NISCH: variants seen among roughly 807,000 people sequenced by gnomAD.
NISCH encodes nischarin.
Under a neutral mutation model 138.4 loss-of-function variants are expected in NISCH, and 55 were observed. The observed-to-expected ratio is 0.40, with a 90% CI of 0.32 to 0.50. The LOEUF (loss-of-function observed/expected upper bound fraction) is 0.50. Among genes scored for constraint, NISCH ranks in the 20% least tolerant of loss-of-function variants. The pLI, the probability that NISCH is intolerant of heterozygous loss-of-function variation, is 0.71. For missense variants in NISCH, 1,643 were observed against 2,005.5 expected, an observed-to-expected ratio of 0.82 and a Z score of 3.45; for synonymous variants, 860 against 861.5, an observed-to-expected ratio of 1.00 and a Z score of 0.03.
intron 19 of NISCH, 109 bp downstream of exon 19, chr3:52,490,942 C>T (rs1707545422): frequency 4.8e-6 from 7 of 1,462,314 alleles, no homozygotes; most frequent in Non-Finnish European, 6.5e-6. Context: ...TCTCTGTGCT[C>T]AAGAGCCACT....
Position 52,473,838 on chromosome 3 carries a change from C to T in NISCH, c.765+9C>T, listed in dbSNP as rs1707018495. The T allele has an allele frequency of 6.3e-7, 1 of 1,589,614 alleles. No individual in the cohort carries two copies. Among genetic ancestry groups the T allele is most frequent in the Admixed American group, 1.7e-5 (1 of 59,350 alleles). ...CAGCAACCTCGATGAAGGTAAGCTT[C>T]ACCTATATCCTGCCTGGGGCAATGT... On this transcript the variant is annotated intron_variant, in intron 7 of 20. Coordinates refer to ENST00000345716, the MANE Select transcript of NISCH (RefSeq NM_007184.4).
At chr3:52,476,811 A>T (rs1289195832) in intron 8 of NISCH, among the ~76,000 whole-genome samples, 2 of 152,114 alleles carry the variant, frequency 1.3e-5, no homozygotes, top group African/African-American at 4.8e-5. Flanking sequence ...AGGCGGGAGG[A>T]TCACTTGAGG....
intron 3 of NISCH, among the ~76,000 whole-genome samples, chr3:52,466,780 G>A (rs1706792215): frequency 6.6e-6 from 1 of 152,078 alleles, no homozygotes; most frequent in African/African-American, 2.4e-5. Context: ...ATACTTGGTT[G>A]CAGGGCATGT....
intron 13 of NISCH, chr3:52,481,282 G>A: frequency 2.9e-6 from 3 of 1,042,132 alleles, no homozygotes; most frequent in Non-Finnish European, 3.5e-6. Flanking sequence ...AGGAAGACTG[G>A]GCAGGAAGAG....
At chr3:52,464,158 A>G (rs1706714753) in intron 3 of NISCH, among the ~76,000 whole-genome samples, 1 of 151,570 alleles carries the variant, frequency 6.6e-6, no homozygotes, top group Non-Finnish European at 1.5e-5. Context: ...AGCACTTTGG[A>G]AGGCTGAGGT....
At chr3:52,475,219 G>A (rs1292336680) in intron 7 of NISCH, among the ~76,000 whole-genome samples, 1 of 151,746 alleles carries the variant, frequency 6.6e-6, no homozygotes, top group East Asian at 1.9e-4. Context: ...AATTGGATTT[G>A]GTGAAAAATT....
At position 52,461,868 on chromosome 3, in the gene NISCH, A is replaced by C. The variant is rs565571191; in HGVS notation, c.360+3024A>C. ...ACAGAGCAAGACTCCGTCACAAAAA[A>C]AAAAAAAAAAGAAATATTGTATTTT... On this transcript the variant is annotated intron_variant, in intron 3 of 20. Transcript: ENST00000345716. Among the ~76,000 whole-genome samples the C allele has an allele frequency of 5.6e-4, 86 of 152,228 alleles. 1 individual carries two copies. The highest frequency in any genetic ancestry group is 2.0e-3 in the African/African-American group (82 of 41,556).
At chr3:52,471,743 G>A (rs112352526) in intron 4 of NISCH, 71 bp from the exon 5 acceptor site, 1 of 1,124,270 alleles carries the variant, frequency 8.9e-7, no homozygotes, top group Non-Finnish European at 1.2e-6. Flanking sequence ...GACAGAAAAG[G>A]TGGAAATCCT....
chr3:52,467,681 C>T (rs1706826724), intron 3 of NISCH, among the ~76,000 whole-genome samples: 1 of 152,236 alleles, frequency 6.6e-6, no homozygotes, highest in African/African-American at 2.4e-5. Context: ...GAAGTGAAAG[C>T]TTTCTCTTTG....
intron 7 of NISCH, 122 bp from the exon 8 acceptor site, chr3:52,476,325 C>G: frequency 9.4e-7 from 1 of 1,066,156 alleles, no homozygotes; most frequent in Non-Finnish European, 1.4e-6. Context: ...TGCTTTAATG[C>G]AAGTTTACTT....
At position 52,483,815 on chromosome 3, in the gene NISCH, T is replaced by C. The variant is rs1265984612; in HGVS notation, c.1529-698T>C. 2.0e-5 allele frequency among the ~76,000 whole-genome samples: 3 copies of C among 152,212 alleles called. No individual in the cohort carries two copies. The East Asian group carries it at 5.8e-4, about 29-fold the overall frequency. ...ACCGTCTGGGAAAATGCTCCAGGAG[T>C]GAACACATTTCAGGCTCTTGATGGA... On this transcript the variant is annotated intron_variant, in intron 13 of 20. Transcript: ENST00000345716.
At position 52,492,301 on chromosome 3, in the gene NISCH, G is replaced by C; in HGVS notation, c.4334G>C (p.Ser1445Thr). The C allele has an allele frequency of 6.2e-7, 1 of 1,613,432 alleles. No individual in the cohort carries two copies. The highest frequency in any genetic ancestry group is 8.5e-7 in the Non-Finnish European group (1 of 1,180,042). Reference protein sequence around the residue: ...DDVQGHDLMGSVTLDHFGEVP... With the variant: ...DDVQGHDLMGTVTLDHFGEVP... ...GTGCAAGGTCATGACCTCATGGGCA[G>C]TGTCACCCTGGACCACTTTGGGGAG... The change falls in exon 21 of 21, where the codon AGT becomes ACT. Residue 1445 changes from serine (S) to threonine (T), a missense_variant. Transcript: ENST00000345716.
intron 16 of NISCH, 94 bp downstream of exon 16, chr3:52,488,699 T>A: frequency 1.8e-6 from 2 of 1,114,978 alleles, no homozygotes; most frequent in Non-Finnish European, 2.5e-6. Context: ...TGGGAGTTGC[T>A]GCGAGAGCTG....
Position 52,492,697 on chromosome 3 carries a change from C to T in NISCH, c.*215C>T. On this transcript the variant is annotated 3_prime_UTR_variant, in exon 21 of 21. Coordinates refer to ENST00000345716, the MANE Select transcript of NISCH (RefSeq NM_007184.4). ...TCAGGGCTGTCGGTGTGCTGTCAGCCTCCCACAGGTGGTACAGCCGTGCAC... is the reference window on the plus strand; with the variant it reads ...TCAGGGCTGTCGGTGTGCTGTCAGCTTCCCACAGGTGGTACAGCCGTGCAC... 1 of 637,016 alleles carries T rather than the reference C, an allele frequency of 1.6e-6. No homozygotes were observed. Among genetic ancestry groups the T allele is most frequent in the East Asian group, 2.8e-5 (1 of 35,972 alleles). The allele number at this position is 637,016 out of a possible 1,614,324, so 39.5% of individuals were successfully genotyped here.
chr3:52,490,892 T>A, intron 19 of NISCH, 59 bp downstream of exon 19: 1 of 1,601,880 alleles, frequency 6.2e-7, no homozygotes, highest in Non-Finnish European at 8.5e-7. Context: ...ACCAGTGGGC[T>A]TCCACCTTCC....
rs1475177302 is a variant in NISCH at position 52,485,814 on chromosome 3, G to A, written c.1690G>A (p.Val564Ile). 10 of 1,580,756 alleles carry A rather than the reference G, an allele frequency of 6.3e-6. No homozygotes were observed. In the Middle Eastern group the frequency reaches 1.5e-3, roughly 236 times the overall value. Residue 564 changes from valine (V) to isoleucine (I), a missense_variant, in exon 15 of 21, where the codon GTT (valine) becomes ATT (isoleucine). By Grantham distance (29) the Val-to-Ile change is conservative (BLOSUM62 3). Transcript: ENST00000345716. ...SDDLRDVPGA[V>I]GGASPEHAEP... ...TGATTTAAGGGACGTGCCAGGAGCTGTTGGTGGTGCAAGGTAAGGAAGAGG... is the reference window on the plus strand; with the variant it reads ...TGATTTAAGGGACGTGCCAGGAGCTATTGGTGGTGCAAGGTAAGGAAGAGG...
chr3:52,473,796 G>C lies in NISCH; in HGVS notation c.732G>C (p.Thr244=). ...TCGCATCGAAGCCCACCTTAGCCAC[G>C]CTGAGTGTCCGCTTCTCAGCAACCT... is the stretch of plus-strand genomic sequence containing the variant. ...GLVASKPTLA[T]LSVRFSATSM... The change falls in exon 7 of 21, where the codon ACG becomes ACC. Residue 244 remains threonine (T), a synonymous_variant. Transcript: ENST00000345716. 1 of 1,609,950 alleles carries C rather than the reference G, an allele frequency of 6.2e-7. No individual in the cohort carries two copies. The highest frequency in any genetic ancestry group is 8.5e-7 in the Non-Finnish European group (1 of 1,176,782).
chr3:52,469,114 T>C (rs1041242502), intron 3 of NISCH, among the ~76,000 whole-genome samples: 4 of 152,212 alleles, frequency 2.6e-5, no homozygotes, highest in East Asian at 1.9e-4. Flanking sequence ...CCTGTGTCTT[T>C]AGAATCCCAT....
chr3:52,481,805 G>GGGGACACTCTGCAGA (rs1707283322), intron 13 of NISCH: 1 of 985,384 alleles, frequency 1.0e-6, no homozygotes, highest in East Asian at 1.1e-4. Context: ...CTTGTGCCCT[G>GGGGACACTCTGCAGA]GGGACACTCT....
Sources: gnomAD v4.1 joint callset for allele counts (sites outside exome capture counted in the v4.1 genomes callset) on GRCh38, gnomAD v4.1.1 for gene constraint, MANE v1.5 for transcripts, NCBI Gene and HGNC (gene_info 2026-07-23, HGNC 2026-07-21) for gene names.